UBR1: variants seen among roughly 807,000 people sequenced by gnomAD.
The protein encoded by UBR1 is ubiquitin protein ligase E3 component n-recognin 1.
In UBR1, 102 loss-of-function variants were observed where a neutral mutation model predicts 242.1. That is an observed-to-expected ratio of 0.42 (90% CI 0.36 to 0.50). UBR1 has a LOEUF of 0.50. Ranked by LOEUF, UBR1 falls within the 20% of genes least tolerant of loss-of-function variation. The pLI is 0.01. For synonymous variants in UBR1, 675 were observed against 684.8 expected, an observed-to-expected ratio of 0.99 and a Z score of 0.22; for missense variants, 1,772 against 2,101.8, an observed-to-expected ratio of 0.84 and a Z score of 3.07.
chr15:43,063,734 T>G (rs1262965050), intron 6 of UBR1, among the ~76,000 whole-genome samples: 1 of 151,530 alleles, frequency 6.6e-6, no homozygotes, highest in Non-Finnish European at 1.5e-5. Flanking sequence ...TTTTTTTAAT[T>G]ATTATTTTTT....
At chr15:43,003,551 C>T (rs375680307) in intron 31 of UBR1, among the ~76,000 whole-genome samples, 41 of 152,320 alleles carry the variant, frequency 2.7e-4, no homozygotes, top group African/African-American at 7.9e-4. Context: ...CCACCACGCC[C>T]GGCCAATTAT....
chr15:43,086,665 A>G (rs1047971679), intron 1 of UBR1, among the ~76,000 whole-genome samples: 1 of 152,234 alleles, frequency 6.6e-6, no homozygotes, highest in African/African-American at 2.4e-5. Context: ...AAAAGGAAAA[A>G]AACTAGATAA....
chr15:43,015,803 T>G lies in UBR1; in HGVS notation c.3094A>C (p.Lys1032Gln), dbSNP rs181657162. Reference protein sequence around the residue: ...KAEAARLHRQKIMAQMSALQK... With the variant: ...KAEAARLHRQQIMAQMSALQK... ...AAGGCAGACATCTGAGCCATGATCT[T>G]CTGGCGATGTAGCCTAGCAGCTTCA... Residue 1032 changes from lysine (K) to glutamine (Q), a missense_variant, in exon 29 of 47, where the codon AAG (lysine) becomes CAG (glutamine). By Grantham distance (53) the Lys-to-Gln change is moderately conservative. Around this residue, in one of 3 missense-constraint regions of UBR1, gnomAD observed 965 missense variants for 1,079.7 expected, o/e 0.89. Transcript: ENST00000290650. The G allele has an allele frequency of 6.2e-7, 1 of 1,614,220 alleles. No individual in the cohort carries two copies. The highest frequency in any genetic ancestry group is 1.7e-5 in the Admixed American group (1 of 60,026).
At chr15:43,051,116 A>G (rs2141329960) in intron 12 of UBR1, among the ~76,000 whole-genome samples, 1 of 152,358 alleles carries the variant, frequency 6.6e-6, no homozygotes, top group African/African-American at 2.4e-5. Context: ...TTATAAAGAC[A>G]CATGCACACA....
rs1431414703 is a variant in UBR1 at position 43,105,927 on chromosome 15, C to T, written c.81+15G>A. 1 of 1,613,354 alleles carries T rather than the reference C, an allele frequency of 6.2e-7. No individual in the cohort carries two copies. The highest frequency in any genetic ancestry group is 1.1e-5 in the South Asian group (1 of 91,046). On this transcript the variant is annotated intron_variant, in intron 1 of 46. Transcript: ENST00000290650. ...CCGGGGGGAGGACAAAAGAGACTTG[C>T]CTATAGGGACTTACAGATGCCAGAC...
intron 33 of UBR1, among the ~76,000 whole-genome samples, chr15:42,993,943 G>A (rs960882692): frequency 3.3e-5 from 5 of 151,978 alleles, no homozygotes; most frequent in Non-Finnish European, 7.4e-5. Flanking sequence ...TCTGAGCATT[G>A]TCTCTTTTGG....
chr15:42,944,070 AG>A lies in UBR1; in HGVS notation c.*1258del, dbSNP rs1003981977. 4 of 152,268 alleles carry A rather than the reference AG, an allele frequency of 2.6e-5. No individual in the cohort carries two copies. The highest frequency in any genetic ancestry group is 9.6e-5 in the African/African-American group (4 of 41,464). The allele number at this position is 152,268 out of a possible 1,614,324, so 9.4% of individuals were successfully genotyped here. Reference sequence around the variant, plus strand: ...CACATATGTGAGACACTAATAGCCAAGGGCAAAATAAGATACAGTCTTTGAA... The same window carrying A: ...CACATATGTGAGACACTAATAGCCAAGGCAAAATAAGATACAGTCTTTGAA... On this transcript the variant is annotated 3_prime_UTR_variant, in exon 47 of 47. Coordinates refer to ENST00000290650, the MANE Select transcript of UBR1 (RefSeq NM_174916.3).
rs528443124 is a variant in UBR1, at chr15:42,970,347, G to T, written c.4457+173C>A. 3.9e-5 allele frequency among the ~76,000 whole-genome samples: 6 copies of T among 152,262 alleles called. No individual in the cohort carries two copies. The East Asian group carries it at 1.2e-3, about 29-fold the overall frequency. On this transcript the variant is annotated intron_variant, in intron 40 of 46. Transcript: ENST00000290650. ...ACACCTTACATAAAAATTAACTCAA[G>T]ATGGATTAAAGATTTAAATGTAAGA...
At chr15:43,082,221 T>C (rs2033982507) in intron 3 of UBR1, among the ~76,000 whole-genome samples, 1 of 152,202 alleles carries the variant, frequency 6.6e-6, no homozygotes, top group African/African-American at 2.4e-5. Flanking sequence ...TGTTCGTTTC[T>C]ATGTATGTAT....
intron 1 of UBR1, among the ~76,000 whole-genome samples, chr15:43,099,154 C>A (rs531670508): frequency 6.6e-6 from 1 of 151,780 alleles, no homozygotes; most frequent in Non-Finnish European, 1.5e-5. Context: ...CCGGCCAACA[C>A]GGCAAAATCC....
chr15:43,087,693 G>A (rs1472769647), intron 1 of UBR1, among the ~76,000 whole-genome samples: 1 of 152,108 alleles, frequency 6.6e-6, no homozygotes, highest in East Asian at 1.9e-4. Context: ...TTTTGACCCA[G>A]AAATGCCCAT....
chr15:42,997,855 A>C (rs911504842), intron 33 of UBR1, among the ~76,000 whole-genome samples: 4 of 152,206 alleles, frequency 2.6e-5, no homozygotes, highest in Non-Finnish European at 5.9e-5. Flanking sequence ...AAGATCACAT[A>C]ATCAGTAAGT....
Position 42,944,686 on chromosome 15 carries a change from C to T in UBR1, c.*643G>A, listed in dbSNP as rs1030983434. 1.3e-5 allele frequency: 2 copies of T among 153,546 alleles called. No homozygotes were observed. The highest frequency in any genetic ancestry group is 4.8e-5 in the African/African-American group (2 of 41,438). 9.5% of individuals were successfully genotyped at this position (153,546 alleles called of 1,614,324 possible). The stretch of plus-strand genomic sequence containing the variant: ...TCAGGAATGAATAACAAATACATTA[C>T]CCTAACTTTTCTTGAGGCCTACAGT... On this transcript the variant is annotated 3_prime_UTR_variant, in exon 47 of 47. Coordinates refer to ENST00000290650, the MANE Select transcript of UBR1 (RefSeq NM_174916.3).
At chr15:43,049,901 A>G (rs1871154457) in intron 12 of UBR1, among the ~76,000 whole-genome samples, 1 of 152,106 alleles carries the variant, frequency 6.6e-6, no homozygotes, top group Non-Finnish European at 1.5e-5. Context: ...AGTGCTCTTT[A>G]AAGAGGCAAC....
chr15:43,064,180 T>C (rs1456602686), intron 6 of UBR1, among the ~76,000 whole-genome samples: 2 of 152,236 alleles, frequency 1.3e-5, no homozygotes, highest in African/African-American at 4.8e-5. Context: ...AGAAAATCTT[T>C]GATAAACTAT....
At chr15:43,034,404 C>T (rs1272768803) in intron 19 of UBR1, among the ~76,000 whole-genome samples, 1 of 151,830 alleles carries the variant, frequency 6.6e-6, no homozygotes, top group Non-Finnish European at 1.5e-5. Context: ...GGCGCCACAG[C>T]ACTCCAGCCT....
intron 2 of UBR1, 38 bp downstream of exon 2, chr15:43,085,946 A>T: frequency 6.4e-7 from 1 of 1,551,052 alleles, no homozygotes; most frequent in Non-Finnish European, 8.7e-7. Context: ...AAAGGATTTT[A>T]ATAATTATAA....
Position 42,990,122 on chromosome 15 carries a change from T to A in UBR1, c.3758-2A>T, listed in dbSNP as rs760217267. 1.9e-6 allele frequency: 3 copies of A among 1,577,208 alleles called. No individual in the cohort carries two copies. The South Asian group carries it at 3.4e-5, about 18-fold the overall frequency. The stretch of plus-strand genomic sequence containing the variant: ...AGAAAATAGGAATTGGGTTTTCTCC[T>A]TATAAATTAAAAGGAAAAAGAAAGA... On this transcript the variant is annotated splice_acceptor_variant, in intron 33 of 46. Transcript: ENST00000290650. LOFTEE classifies it high-confidence loss of function.
chr15:43,090,926 TTTTA>T (rs557182042), intron 1 of UBR1, among the ~76,000 whole-genome samples: 15 of 152,196 alleles, frequency 9.9e-5, no homozygotes, highest in Admixed American at 2.6e-4. Flanking sequence ...ACAGTTTTTA[TTTTA>T]TTTATTTATT....
Sources: gnomAD v4.1 joint callset for allele counts (sites outside exome capture counted in the v4.1 genomes callset) on GRCh38, gnomAD v4.1.1 for gene constraint, gnomAD v4.1.1 regional missense constraint, MANE v1.5 for transcripts, NCBI Gene and HGNC (gene_info 2026-07-23, HGNC 2026-07-21) for gene names.